The following TEX9 variants were observed in gnomAD, a reference collection of about 807,000 sequenced individuals.
TEX9 encodes testis-expressed protein 9.
Under a neutral mutation model 59.6 loss-of-function variants are expected in TEX9, and 74 were observed. That is an observed-to-expected ratio of 1.24 (90% CI 1.03 to 1.51). The LOEUF (loss-of-function observed/expected upper bound fraction) is 1.51, where lower values mean the gene tolerates loss of function less well. Among genes scored for constraint, TEX9 ranks in the 40% most tolerant of loss-of-function variants. The probability of loss-of-function intolerance (pLI) is 0.00; values close to 1 mark genes in which losing one functional copy is unlikely to be tolerated. For synonymous variants in TEX9, 186 were observed against 152.2 expected (o/e 1.22, Z -1.64); for missense variants, 522 against 447.8 (o/e 1.17, Z -1.49).
chr15:56,305,078 G>A (rs554834864), intron 1 of TEX9, among the ~76,000 whole-genome samples: 2 of 152,248 alleles, frequency 1.3e-5, no homozygotes, highest in East Asian at 3.9e-4. Context: ...GACTAAAGTA[G>A]TAAAAGATCT....
At chr15:56,304,706 G>A (rs2682008) in intron 1 of TEX9, among the ~76,000 whole-genome samples, 4,813 of 152,082 alleles carry the variant, frequency 0.032, 188 homozygotes, top group East Asian at 0.095. Context: ...CAGAGATATG[G>A]GCCTGTAATT....
chr15:56,430,124 A>T (rs1036809796), intron 12 of TEX9: 2 of 152,240 alleles, frequency 1.3e-5, no homozygotes, highest in South Asian at 4.1e-4. Flanking sequence ...TCTACTGAAT[A>T]AAATATGAAA....
At chr15:56,305,097 A>G (rs1271794764) in intron 1 of TEX9, among the ~76,000 whole-genome samples, 2 of 152,236 alleles carry the variant, frequency 1.3e-5, no homozygotes, top group Non-Finnish European at 2.9e-5. Context: ...CTCTACAGTA[A>G]AAACTATAAA....
chr15:56,402,706 C>T (rs1302648767), intron 9 of TEX9, among the ~76,000 whole-genome samples: 2 of 152,146 alleles, frequency 1.3e-5, no homozygotes, highest in African/African-American at 2.4e-5. Context: ...ACCAATATCC[C>T]TGATGAACAT....
intron 1 of TEX9, among the ~76,000 whole-genome samples, chr15:56,328,860 C>G (rs768661720): frequency 6.6e-6 from 1 of 152,170 alleles, no homozygotes; most frequent in Non-Finnish European, 1.5e-5. Context: ...GGAGAACTAG[C>G]CACCCTGAAG....
chr15:56,339,411 A>G (rs1159808049), intron 1 of TEX9, among the ~76,000 whole-genome samples: 1 of 150,246 alleles, frequency 6.7e-6, no homozygotes, highest in Admixed American at 6.6e-5. Flanking sequence ...AAAAAAAAAA[A>G]AAACAGGAGA....
exon 6 of TEX9, chr15:56,389,326 C>T: frequency 6.2e-7 from 1 of 1,610,200 alleles, no homozygotes; most frequent in South Asian, 1.1e-5. Context: ...AGCCAAAGAC[C>T]AAAAACATTG....
At chr15:56,318,600 T>G (rs898093998) in intron 1 of TEX9, among the ~76,000 whole-genome samples, 2 of 152,106 alleles carry the variant, frequency 1.3e-5, no homozygotes, top group East Asian at 3.8e-4. Context: ...TTTTGTTTCT[T>G]TATTCCTTTA....
intron 9 of TEX9, chr15:56,397,771 A>C (rs1476946399): frequency 6.6e-6 from 1 of 152,222 alleles, no homozygotes; most frequent in Admixed American, 6.5e-5. Flanking sequence ...ATGAGAGTGA[A>C]TAAGTCTCAG....
intron 2 of TEX9, among the ~76,000 whole-genome samples, chr15:56,372,101 A>G (rs1471582009): frequency 6.6e-6 from 1 of 152,184 alleles, no homozygotes; most frequent in African/African-American, 2.4e-5. Flanking sequence ...GATTTAGAGT[A>G]GCATAGTCTT....
chr15:56,391,495 T>G, intron 7 of TEX9, 77 bp downstream of exon 7: 1 of 1,055,974 alleles, frequency 9.5e-7, no homozygotes, highest in Non-Finnish European at 1.3e-6. Flanking sequence ...GAACTATTTC[T>G]TCCATTTAAA....
At chr15:56,317,832 C>G (rs1224795144) in intron 1 of TEX9, among the ~76,000 whole-genome samples, 8 of 152,022 alleles carry the variant, frequency 5.3e-5, no homozygotes, top group African/African-American at 1.7e-4. Flanking sequence ...ATTTCCTTCT[C>G]TTATTGATTT....
chr15:56,394,636 A>G, intron 8 of TEX9, 25 bp from the exon 9 acceptor site: 1 of 1,456,766 alleles, frequency 6.9e-7, no homozygotes, highest in Non-Finnish European at 9.3e-7. Context: ...ATTTTTTCAC[A>G]TAATCTATAA....
At chr15:56,451,413 G>T in the TEX9 span, among the ~76,000 whole-genome samples, 1 of 152,146 alleles carries the variant, frequency 6.6e-6, no homozygotes, top group Admixed American at 6.5e-5. Context: ...TTCAGCATTT[G>T]CTTGATTGCA....
intron 1 of TEX9, among the ~76,000 whole-genome samples, chr15:56,345,512 C>T (rs1377584822): frequency 3.3e-5 from 5 of 152,136 alleles, no homozygotes; most frequent in Non-Finnish European, 7.3e-5. Flanking sequence ...TACACTCAAA[C>T]TCATGGGCCC....
chr15:56,395,127 C>T (rs2048402367), intron 9 of TEX9: 1 of 378,576 alleles, frequency 2.6e-6, no homozygotes, highest in Non-Finnish European at 4.7e-6. Context: ...CACCCTGACC[C>T]TGCTCCCCTC....
At chr15:56,251,585 G>T (rs1596042603) in intron 1 of TEX9, among the ~76,000 whole-genome samples, 1 of 152,114 alleles carries the variant, frequency 6.6e-6, no homozygotes, top group South Asian at 2.1e-4. Flanking sequence ...AACAGTAGCT[G>T]AAAGATACAC....
chr15:56,386,022 A>G (rs988328893), intron 4 of TEX9, among the ~76,000 whole-genome samples: 1 of 152,142 alleles, frequency 6.6e-6, no homozygotes, highest in African/African-American at 2.4e-5. Context: ...TTTTATTCAT[A>G]ATTACCAAAA....
intron 1 of TEX9, among the ~76,000 whole-genome samples, chr15:56,327,304 G>C (rs564621143): frequency 3.9e-5 from 6 of 152,166 alleles, no homozygotes; most frequent in African/African-American, 1.4e-4. Flanking sequence ...GGTTTTTGCT[G>C]TCATGAAAAA....
Sources: gnomAD v4.1 joint callset for allele counts (sites outside exome capture counted in the v4.1 genomes callset) on GRCh38, gnomAD v4.1.1 for gene constraint, MANE v1.5 for transcripts, NCBI Gene and HGNC (gene_info 2026-07-23, HGNC 2026-07-21) for gene names.